CSMD1: variants seen among roughly 807,000 people sequenced by gnomAD.
CSMD1 encodes CUB and sushi domain-containing protein 1.
Under a neutral mutation model 417.5 loss-of-function variants are expected in CSMD1, and 213 were observed. The observed-to-expected ratio is 0.51, with a 90% CI of 0.46 to 0.57. The LOEUF (loss-of-function observed/expected upper bound fraction) is 0.57, where lower values mean the gene tolerates loss of function less well. CSMD1 is among the 20% of genes least tolerant of loss of function. The pLI, the probability that CSMD1 is intolerant of heterozygous loss-of-function variation, is 0.00. For missense variants in CSMD1, 6,923 were observed against 4,529.7 expected (o/e 1.53, Z -15.17); for synonymous variants, 2,862 against 1,736.8 (o/e 1.65, Z -16.11).
chr8:2,965,844 C>T lies in CSMD1; in HGVS notation c.9211G>A (p.Ala3071Thr), dbSNP rs780564767. ...CAGCGAATAGTGGCGGATGTGACTG[C>T]TTCCATGACATAGCCTGGGTTACAC... The part of the protein sequence containing the change: ...YQCNPGYVME[A>T]VTSATIRCTK... Residue 3071 changes from alanine to threonine, a missense_variant, in exon 59 of 70, where the codon GCA becomes ACA. Physicochemically the swap from Ala to Thr is moderately conservative, Grantham distance 58. Transcript: ENST00000635120. 5.0e-6 allele frequency: 8 copies of T among 1,608,632 alleles called. No individual in the cohort carries two copies. The African/African-American group carries it at 1.1e-4, about 21-fold the overall frequency.
intron 5 of CSMD1, among the ~76,000 whole-genome samples, chr8:3,887,425 C>G (rs1015194254): frequency 6.6e-6 from 1 of 152,144 alleles, no homozygotes; most frequent in Non-Finnish European, 1.5e-5. Flanking sequence ...AATGTATGGA[C>G]AAATTATAGA....
chr8:4,368,806 A>C (rs1050898755), intron 3 of CSMD1, among the ~76,000 whole-genome samples: 1 of 152,072 alleles, frequency 6.6e-6, no homozygotes, highest in East Asian at 1.9e-4. Context: ...ATAGGTTGTA[A>C]TGTCAGCTTT....
At position 3,164,787 on chromosome 8, in the gene CSMD1, T is replaced by C. The variant is rs78993831; in HGVS notation, c.5726-2510A>G. ...GTTCCAAATATCAAGACAAAATATT[T>C]TGAAATGAAAAGTGAAACATTACAA... On this transcript the variant is annotated intron_variant, in intron 37 of 69. Transcript: ENST00000635120. Among the ~76,000 whole-genome samples, 703 of 152,288 alleles carry C rather than the reference T, an allele frequency of 4.6e-3. 16 individuals carry two copies. The South Asian group carries it at 0.049, about 11-fold the overall frequency.
intron 5 of CSMD1, among the ~76,000 whole-genome samples, chr8:3,771,100 G>C (rs62479701): frequency 0.33 from 50,723 of 151,748 alleles, 8,843 homozygotes; most frequent in Admixed American, 0.39. Flanking sequence ...GTATTCTCAG[G>C]ATCTTGAAAA....
At chr8:3,919,839 C>A (rs1048483181) in intron 5 of CSMD1, among the ~76,000 whole-genome samples, 15 of 152,046 alleles carry the variant, frequency 9.9e-5, no homozygotes, top group African/African-American at 2.9e-4. Flanking sequence ...GTGTACAGAT[C>A]ATTCACCTCC....
intron 1 of CSMD1, among the ~76,000 whole-genome samples, chr8:4,872,505 G>A (rs1176949612): frequency 6.6e-6 from 1 of 151,954 alleles, no homozygotes; most frequent in African/African-American, 2.4e-5. Context: ...AAGGCACCTG[G>A]TTCCCTTTCA....
At chr8:3,951,988 C>T (rs947551031) in intron 5 of CSMD1, among the ~76,000 whole-genome samples, 9 of 152,132 alleles carry the variant, frequency 5.9e-5, no homozygotes, top group African/African-American at 1.9e-4. Flanking sequence ...TCCCTGATTA[C>T]ACTTGGAACA....
chr8:3,986,147 C>T (rs1418169503), intron 5 of CSMD1, among the ~76,000 whole-genome samples: 1 of 152,058 alleles, frequency 6.6e-6, no homozygotes, highest in Non-Finnish European at 1.5e-5. Flanking sequence ...GACTTGAAGG[C>T]ATCACCTTAA....
intron 41 of CSMD1, among the ~76,000 whole-genome samples, chr8:3,131,196 G>T (rs1368748567): frequency 6.6e-6 from 1 of 152,080 alleles, no homozygotes; most frequent in South Asian, 2.1e-4. Flanking sequence ...CATTATGTAT[G>T]TTATTTCACT....
intron 3 of CSMD1, among the ~76,000 whole-genome samples, chr8:4,234,714 C>A (rs989888752): frequency 6.6e-6 from 1 of 152,138 alleles, no homozygotes; most frequent in African/African-American, 2.4e-5. Flanking sequence ...TACGGCCACA[C>A]GGTGTCGCTG....
At chr8:3,769,585 G>A (rs563422279) in intron 5 of CSMD1, among the ~76,000 whole-genome samples, 15 of 151,872 alleles carry the variant, frequency 9.9e-5, no homozygotes, top group Middle Eastern at 3.4e-3. Context: ...ATATGTACAC[G>A]CAGATATAAA....
At chr8:4,212,041 A>T (rs1218559718) in intron 3 of CSMD1, among the ~76,000 whole-genome samples, 2 of 152,024 alleles carry the variant, frequency 1.3e-5, no homozygotes, top group East Asian at 1.9e-4. Context: ...CAATAAAAGG[A>T]CCTTAATAAT....
chr8:3,730,026 G>A (rs13250474), intron 6 of CSMD1, among the ~76,000 whole-genome samples: 33,074 of 135,476 alleles, frequency 0.24, 5,517 homozygotes, highest in Middle Eastern at 0.33. Context: ...ATCTTTGGTC[G>A]AAGCGCTGCA....
chr8:4,806,547 A>G (rs755144703), intron 1 of CSMD1, among the ~76,000 whole-genome samples: 1 of 152,218 alleles, frequency 6.6e-6, no homozygotes. Context: ...TGCTACTAGC[A>G]TATTAACAAA....
intron 3 of CSMD1, among the ~76,000 whole-genome samples, chr8:4,342,257 ATG>A (rs1283026386): frequency 1.5e-5 from 2 of 130,364 alleles, no homozygotes; most frequent in African/African-American, 5.4e-5. Context: ...GTGTCTCTGT[ATG>A]TGTGTGTGTA....
At chr8:4,817,686 G>T (rs963346430) in intron 1 of CSMD1, among the ~76,000 whole-genome samples, 1 of 152,212 alleles carries the variant, frequency 6.6e-6, no homozygotes, top group Non-Finnish European at 1.5e-5. Context: ...AAAAGATAAT[G>T]CTATCACAAT....
At chr8:4,512,820 A>T (rs963633133) in intron 2 of CSMD1, among the ~76,000 whole-genome samples, 5 of 80,678 alleles carry the variant, frequency 6.2e-5, no homozygotes, top group Non-Finnish European at 1.4e-4. Context: ...CATGGATTTA[A>T]AAAAAAAAAA....
At chr8:4,268,756 A>T (rs1258893916) in intron 3 of CSMD1, among the ~76,000 whole-genome samples, 1 of 152,072 alleles carries the variant, frequency 6.6e-6, no homozygotes, top group Non-Finnish European at 1.5e-5. Context: ...ATTGCTAAAA[A>T]AAAAACCCAC....
chr8:4,227,462 GA>G (rs1258721400), intron 3 of CSMD1, among the ~76,000 whole-genome samples: 1 of 152,090 alleles, frequency 6.6e-6, no homozygotes, highest in Non-Finnish European at 1.5e-5. Context: ...TTCAGAACAA[GA>G]AAAGTTTCTG....
Sources: gnomAD v4.1 joint callset for allele counts (sites outside exome capture counted in the v4.1 genomes callset) on GRCh38, gnomAD v4.1.1 for gene constraint, MANE v1.5 for transcripts, NCBI Gene and HGNC (gene_info 2026-07-23, HGNC 2026-07-21) for gene names.